The following NFASC variants were observed in gnomAD, a reference collection of about 807,000 sequenced individuals.
NFASC encodes the protein neurofascin homolog.
NFASC carries 43 observed loss-of-function variants against 147.5 expected under a neutral mutation model. That is an observed-to-expected ratio of 0.29 (90% CI 0.23 to 0.38). The LOEUF (loss-of-function observed/expected upper bound fraction) is 0.38, where lower values mean the gene tolerates loss of function less well. Ranked by LOEUF, NFASC falls within the 10% of genes least tolerant of loss-of-function variation. NFASC has a pLI of 1.00. For missense variants in NFASC, 1,320 were observed against 1,689.0 expected (o/e 0.78, Z 3.83); for synonymous variants, 622 against 665.5 (o/e 0.93, Z 1.01).
chr1:204,876,865 C>CT (rs1348475005), intron 1 of NFASC, among the ~76,000 whole-genome samples: 11 of 150,824 alleles, frequency 7.3e-5, no homozygotes, highest in Non-Finnish European at 1.5e-4. Flanking sequence ...GAGAGGAGAG[C>CT]TTTGTTTTTT....
chr1:205,011,215 C>CA (rs1553328298), intron 28 of NFASC, among the ~76,000 whole-genome samples: 14 of 151,292 alleles, frequency 9.3e-5, no homozygotes, highest in South Asian at 4.2e-4. Flanking sequence ...GGACCCCCCC[C>CA]AAAACTCAAC....
Position 204,986,384 on chromosome 1 carries a change from G to A in NFASC, c.2471-1034G>A, listed in dbSNP as rs773621674. Among the ~76,000 whole-genome samples the A allele has an allele frequency of 7.9e-5, 12 of 152,216 alleles. No individual in the cohort carries two copies. The highest frequency in any genetic ancestry group is 2.2e-4 in the African/African-American group (9 of 41,452). On this transcript the variant is annotated intron_variant, in intron 21 of 29. Transcript: ENST00000339876. The surrounding 1 kb of genome is among the most constrained non-coding windows in gnomAD (Gnocchi z 4.2). ...AGACGGGTTATGCAGACTGATCCCC[G>A]AGGGCACGGCGGGCACCTGGGCCAC...
chr1:205,004,521 A>G (rs1273084884), intron 27 of NFASC, among the ~76,000 whole-genome samples: 2 of 152,244 alleles, frequency 1.3e-5, no homozygotes, highest in African/African-American at 2.4e-5. Flanking sequence ...AGCTCTGAGT[A>G]CATATTGTCC....
intron 1 of NFASC, chr1:204,870,772 C>T: frequency 2.6e-6 from 3 of 1,163,878 alleles, no homozygotes; most frequent in Non-Finnish European, 3.2e-6. Flanking sequence ...ACGTGGTGGG[C>T]TTGAGATAAT....
chr1:204,984,905 C>A (rs903693712), intron 21 of NFASC, among the ~76,000 whole-genome samples: 2 of 152,100 alleles, frequency 1.3e-5, no homozygotes, highest in Non-Finnish European at 2.9e-5. Flanking sequence ...GATTAATGCA[C>A]GTTCTGTGGC....
At chr1:204,891,496 C>CTCTA (rs1411036484) in intron 1 of NFASC, among the ~76,000 whole-genome samples, 6 of 152,262 alleles carry the variant, frequency 3.9e-5, no homozygotes, top group Non-Finnish European at 8.8e-5. Context: ...GGCCCTAGGG[C>CTCTA]TAGAAGCAAG....
chr1:204,957,699 T>A lies in NFASC; in HGVS notation c.579T>A (p.His193Gln), dbSNP rs1379127428. 3.7e-6 allele frequency: 6 copies of A among 1,614,026 alleles called. No homozygotes were observed. Among genetic ancestry groups the A allele is most frequent in the Non-Finnish European group, 4.2e-6 (5 of 1,180,012 alleles). Residue 193 changes from histidine to glutamine, a missense_variant, in exon 8 of 30, where the codon CAT becomes CAA. Physicochemically the swap from His to Gln is conservative, Grantham distance 24. Coordinates refer to ENST00000339876, the MANE Select transcript of NFASC (RefSeq NM_001005388.3). ...AAGACAAACGTGTCTCTCAGGGCCA[T>A]AACGGAGACCTATACTTCTCCAACG... ...ITQDKRVSQG[H>Q]NGDLYFSNVM...
intron 1 of NFASC, among the ~76,000 whole-genome samples, chr1:204,845,398 C>A (rs928012170): frequency 1.3e-5 from 2 of 151,772 alleles, no homozygotes; most frequent in African/African-American, 4.9e-5. Flanking sequence ...GCGGAGGTTG[C>A]AGTGAGCTGA....
In NFASC at chr1:205,020,947, G is replaced by C. The variant is rs933382239; in HGVS notation, c.*4408G>C. The C allele has an allele frequency of 2.0e-5, 3 of 152,286 alleles. No individual in the cohort carries two copies. The highest frequency in any genetic ancestry group is 4.4e-5 in the Non-Finnish European group (3 of 68,084). The allele number at this position is 152,286 out of a possible 1,614,324, so 9.4% of individuals were successfully genotyped here. On this transcript the variant is annotated 3_prime_UTR_variant, in exon 30 of 30. Transcript: ENST00000339876. ...CCATGGTTGCGGTTGCATCTACACC[G>C]TTAGTTGGCAAAGGATCCTGCTTGA...
chr1:204,961,852 T>A (rs552864285), intron 8 of NFASC, among the ~76,000 whole-genome samples: 17 of 152,352 alleles, frequency 1.1e-4, no homozygotes, highest in East Asian at 1.9e-4. Flanking sequence ...TCTTTAATTT[T>A]AAAAAAACCA....
At chr1:204,983,902 T>C (rs774566733) in intron 21 of NFASC, 30 of 646,674 alleles carry the variant, frequency 4.6e-5, no homozygotes, top group Non-Finnish European at 7.7e-5. Flanking sequence ...GGAGGAGATA[T>C]GGCCCCTGCC....
chr1:204,984,060 G>A (rs143799289), intron 21 of NFASC: 155 of 1,613,988 alleles, frequency 9.6e-5, no homozygotes, highest in Non-Finnish European at 1.2e-4. Flanking sequence ...GTTAAAGTCC[G>A]AGTCATGAAC....
intron 1 of NFASC, among the ~76,000 whole-genome samples, chr1:204,895,449 G>T (rs942907835): frequency 1.3e-5 from 2 of 152,104 alleles, no homozygotes; most frequent in Non-Finnish European, 2.9e-5. Context: ...CTGCCCCTTT[G>T]TGTCATTCAA....
At position 204,861,924 on chromosome 1, in the gene NFASC, G is replaced by A. The variant is rs117823160; in HGVS notation, c.-200+33142G>A. On this transcript the variant is annotated intron_variant, in intron 1 of 29. Coordinates refer to ENST00000339876, the MANE Select transcript of NFASC (RefSeq NM_001005388.3). ...CTGGTTCTTAGCCTCTGGTCAAGAC[G>A]CAGTGACATGGGTGGACACAACATG... is the stretch of plus-strand genomic sequence containing the variant. Among the ~76,000 whole-genome samples, 2,473 of 152,324 alleles carry A rather than the reference G, an allele frequency of 0.016. 180 individuals carry two copies. In the East Asian group the frequency reaches 0.2, roughly 13 times the overall value.
chr1:204,888,192 G>C (rs1006441034), intron 1 of NFASC, among the ~76,000 whole-genome samples: 4 of 152,138 alleles, frequency 2.6e-5, no homozygotes, highest in African/African-American at 9.7e-5. Flanking sequence ...TTATCTGCTT[G>C]TATTTCTGTC....
chr1:204,988,182 A>G (rs1335849306), intron 22 of NFASC, among the ~76,000 whole-genome samples: 3 of 152,232 alleles, frequency 2.0e-5, no homozygotes, highest in African/African-American at 4.8e-5. Context: ...CTGTGCTTGT[A>G]TGCTGTTCTG....
chr1:204,836,406 T>TA (rs1239330839), intron 1 of NFASC, among the ~76,000 whole-genome samples: 2 of 152,206 alleles, frequency 1.3e-5, no homozygotes, highest in African/African-American at 2.4e-5. Flanking sequence ...ACAGAAGGTG[T>TA]AATATTGAGG....
intron 3 of NFASC, 111 bp from the exon 4 acceptor site, chr1:204,950,446 C>T: frequency 9.9e-7 from 1 of 1,006,540 alleles, no homozygotes; most frequent in Middle Eastern, 2.1e-4. Context: ...CCTCCCCAGG[C>T]ACACCCCGCC....
chr1:204,913,615 A>G (rs2088299945), intron 1 of NFASC, among the ~76,000 whole-genome samples: 1 of 152,220 alleles, frequency 6.6e-6, no homozygotes, highest in Non-Finnish European at 1.5e-5. Flanking sequence ...TCTTATATAC[A>G]GTTAGATCCC....
Sources: allele counts gnomAD v4.1 joint callset (sites outside exome capture counted in the v4.1 genomes callset), GRCh38; gene constraint gnomAD v4.1.1; non-coding constraint Gnocchi (gnomAD v3.1); transcripts MANE v1.5; gene names NCBI Gene and HGNC (gene_info 2026-07-23, HGNC 2026-07-21).